PNPLA4: variants seen among roughly 807,000 people sequenced by gnomAD.
PNPLA4 encodes the protein patatin-like phospholipase domain-containing protein 4.
Under a neutral mutation model 18.3 loss-of-function variants are expected in PNPLA4, and 15 were observed. The ratio of observed to expected loss-of-function variants is 0.82; its 90% CI spans 0.55 to 1.26. The LOEUF (loss-of-function observed/expected upper bound fraction) is 1.26. Among genes scored for constraint, PNPLA4 ranks in the 50% most tolerant of loss-of-function variants. The pLI is 0.00. For missense variants in PNPLA4, 229 were observed against 196.8 expected (o/e 1.16, Z -0.98); for synonymous variants, 88 against 85.6 (o/e 1.03, Z -0.16).
At chrX:7,908,163 G>A (rs1270874155) in intron 5 of PNPLA4, among the ~76,000 whole-genome samples, 1 of 111,473 alleles carries the variant, frequency 9.0e-6, no homozygotes, top group Non-Finnish European at 1.9e-5. Flanking sequence ...GAAATGAGGA[G>A]GTCTGTGTAT....
At chrX:7,916,157 C>T (rs1013394011) in intron 4 of PNPLA4, among the ~76,000 whole-genome samples, 4 of 111,926 alleles carry the variant, frequency 3.6e-5, no homozygotes, top group Admixed American at 9.5e-5. Context: ...AACTCTACGA[C>T]GCCATTGCAC....
intron 4 of PNPLA4, among the ~76,000 whole-genome samples, chrX:7,920,349 T>TTGCCCAGCTCTTCCCTTGA: frequency 8.9e-6 from 1 of 111,807 alleles, no homozygotes; most frequent in Non-Finnish European, 1.9e-5. Context: ...TTAGCATGGG[T>TTGCCCAGCTCTTCCCTTGA]TGCCCAGCTC....
At chrX:7,901,459 C>G (rs887145266) in intron 6 of PNPLA4, among the ~76,000 whole-genome samples, 8 of 110,403 alleles carry the variant, frequency 7.2e-5, no homozygotes, top group Non-Finnish European at 1.1e-4. Flanking sequence ...TGGTGGCACG[C>G]GCCTGCAGTC....
intron 2 of PNPLA4, among the ~76,000 whole-genome samples, chrX:7,924,805 A>G (rs985327312): frequency 2.9e-4 from 32 of 112,248 alleles, no homozygotes; most frequent in Non-Finnish European, 7.5e-5. Flanking sequence ...TAATTTGCTG[A>G]TAATTGGAAA....
chrX:7,909,731 G>A (rs1923816219), intron 5 of PNPLA4, among the ~76,000 whole-genome samples: 1 of 110,683 alleles, frequency 9.0e-6, no homozygotes, highest in Admixed American at 9.7e-5. Flanking sequence ...TGGAGCTCCA[G>A]TAATCACATC....
chrX:7,915,511 A>G (rs1340418405), intron 4 of PNPLA4, among the ~76,000 whole-genome samples: 2 of 112,110 alleles, frequency 1.8e-5, no homozygotes, highest in African/African-American at 6.5e-5. Flanking sequence ...CACTTGGTAC[A>G]GCACTTTAAA....
intron 5 of PNPLA4, among the ~76,000 whole-genome samples, chrX:7,905,183 T>C (rs1213103764): frequency 8.9e-6 from 1 of 112,531 alleles, no homozygotes; most frequent in Non-Finnish European, 1.9e-5. Context: ...CTGTGATTGT[T>C]CTCTGAAAGT....
intron 2 of PNPLA4, among the ~76,000 whole-genome samples, 179 bp downstream of exon 2, chrX:7,925,761 T>C (rs768870083): frequency 2.9e-4 from 33 of 112,539 alleles, no homozygotes; most frequent in Non-Finnish European, 4.9e-4. Flanking sequence ...AATAATCTTT[T>C]CCACAACCAG....
rs1449498056 is a variant in PNPLA4, at chrX:7,899,068, A to C, written c.*1618T>G. ...CCACTTCATGTCACTTATGGAAACA[A>C]CACATTAAGATTAAACTACATGTTT... is the stretch of plus-strand genomic sequence containing the variant. On this transcript the variant is annotated 3_prime_UTR_variant, in exon 7 of 7. Transcript: ENST00000381042. 1.8e-5 allele frequency: 2 copies of C among 111,711 alleles called. No homozygotes were observed. The highest frequency in any genetic ancestry group is 3.8e-5 in the Non-Finnish European group (2 of 53,187). The allele number at this position is 111,711 out of a possible 1,213,427, so 9.2% of individuals were successfully genotyped here. A position where few individuals can be genotyped will look rare whatever the true frequency, so the allele number is the denominator to read the frequency against.
At chrX:7,906,938 G>A (rs866717395) in intron 5 of PNPLA4, among the ~76,000 whole-genome samples, 5 of 111,894 alleles carry the variant, frequency 4.5e-5, no homozygotes, top group African/African-American at 1.6e-4. Context: ...GCCAAGAAGC[G>A]ATCTTGTAAT....
chrX:7,905,684 C>T (rs896391959), intron 5 of PNPLA4, among the ~76,000 whole-genome samples: 5 of 112,379 alleles, frequency 4.4e-5, no homozygotes, highest in Non-Finnish European at 7.5e-5. Context: ...TATGCGAACC[C>T]TGTAAGGCAG....
intron 2 of PNPLA4, 22 bp from the exon 3 acceptor site, chrX:7,922,120 G>A (rs778091393): frequency 1.5e-4 from 149 of 1,020,329 alleles, no homozygotes; most frequent in Non-Finnish European, 1.9e-4. Context: ...AAATTAAGAA[G>A]TGACCCTAGG....
At position 7,926,054 on chromosome X, in the gene PNPLA4, T is replaced by C. The variant is rs1438385110; in HGVS notation, c.66A>G (p.Ala22=). ...TTTTGCCATGTCTGCAAAGTGCAGATGCTGCCCCCAAGTGGTAAATGCCCA... is the reference window on the plus strand; with the variant it reads ...TTTTGCCATGTCTGCAAAGTGCAGACGCTGCCCCCAAGTGGTAAATGCCCA... ...GFLGIYHLGA[A]SALCRHGKKL... is the part of the protein sequence containing the mutation. Residue 22 remains alanine (A), a synonymous_variant, in exon 2 of 7, where the codon GCA becomes GCG. Transcript: ENST00000381042. 1.7e-6 allele frequency: 2 copies of C among 1,209,778 alleles called. No homozygotes were observed. The highest frequency in any genetic ancestry group is 2.2e-6 in the Non-Finnish European group (2 of 894,287).
intron 4 of PNPLA4, among the ~76,000 whole-genome samples, chrX:7,919,855 C>T (rs1924156975): frequency 8.9e-6 from 1 of 112,073 alleles, no homozygotes. Context: ...TTGCCCAGGT[C>T]ATACAGTATG....
chrX:7,901,869 A>T, intron 6 of PNPLA4, 120 bp downstream of exon 6: 1 of 667,490 alleles, frequency 1.5e-6, no homozygotes, highest in Non-Finnish European at 2.3e-6. Context: ...CACTAAGGAG[A>T]AGATGCAACT....
At chrX:7,908,605 AT>A in intron 5 of PNPLA4, among the ~76,000 whole-genome samples, 1 of 112,027 alleles carries the variant, frequency 8.9e-6, no homozygotes, top group South Asian at 3.7e-4. Context: ...GCACTTCTAA[AT>A]TGTCCCTTTC....
chrX:7,901,269 C>A (rs777483761), intron 6 of PNPLA4, among the ~76,000 whole-genome samples: 6 of 112,015 alleles, frequency 5.4e-5, no homozygotes, highest in Non-Finnish European at 7.5e-5. Flanking sequence ...TCTTTCTAAG[C>A]AAATAAATGA....
chrX:7,918,631 T>A (rs1347931382), intron 4 of PNPLA4, among the ~76,000 whole-genome samples: 1 of 111,094 alleles, frequency 9.0e-6, no homozygotes, highest in African/African-American at 3.3e-5. Context: ...GCTGCTTCAA[T>A]GCATGGCTTC....
rs59034856 is a variant in PNPLA4, at chrX:7,899,626, C to CGAGAGAGAGAGAGAGAGA, written c.*1042_*1059dup. 24 of 46,569 alleles carry CGAGAGAGAGAGAGAGAGA rather than the reference C, an allele frequency of 5.2e-4. No homozygotes were observed. The highest frequency in any genetic ancestry group is 0.014 in the Middle Eastern group (1 of 72). The allele number at this position is 46,569 out of a possible 1,213,427, so 3.8% of individuals were successfully genotyped here. ...TAGCTAAATACTCAGAGAGGTATGG[C>CGAGAGAGAGAGAGAGAGA]GAGAGAGAGAGAGAGAGAGAGAGAG... is the stretch of plus-strand genomic sequence containing the variant. On this transcript the variant is annotated 3_prime_UTR_variant, in exon 7 of 7. Transcript: ENST00000381042.
Sources: allele counts gnomAD v4.1 joint callset (sites outside exome capture counted in the v4.1 genomes callset), GRCh38; gene constraint gnomAD v4.1.1; transcripts MANE v1.5; gene names NCBI Gene and HGNC (gene_info 2026-07-23, HGNC 2026-07-21).